The following SIPA1L2 variants were observed in gnomAD, a reference collection of about 807,000 sequenced individuals.
SIPA1L2 encodes the protein signal-induced proliferation-associated 1-like protein 2.
In SIPA1L2, 56 loss-of-function variants were observed where a neutral mutation model predicts 163.9. The ratio of observed to expected loss-of-function variants is 0.34; its 90% CI spans 0.28 to 0.43. The LOEUF is 0.43. Ranked by LOEUF, SIPA1L2 falls within the 20% of genes least tolerant of loss-of-function variation. The probability of loss-of-function intolerance (pLI) is 1.00; values close to 1 mark genes in which losing one functional copy is unlikely to be tolerated. For synonymous variants in SIPA1L2, 877 were observed against 865.7 expected, an observed-to-expected ratio of 1.01 and a Z score of -0.23; for missense variants, 1,974 against 2,193.5, an observed-to-expected ratio of 0.90 and a Z score of 2.00.
At chr1:232,621,059 T>C (rs1662783899) in intron 1 of SIPA1L2, among the ~76,000 whole-genome samples, 2 of 152,256 alleles carry the variant, frequency 1.3e-5, no homozygotes, top group Non-Finnish European at 2.9e-5. Context: ...GTTTTCCTCT[T>C]ATATTTCTTT....
At chr1:232,486,459 T>TG (rs1665653924) in intron 5 of SIPA1L2, among the ~76,000 whole-genome samples, 1 of 152,036 alleles carries the variant, frequency 6.6e-6, no homozygotes, top group South Asian at 2.1e-4. Flanking sequence ...CCTGGGCCCA[T>TG]GGGAATCAGT....
At position 232,514,442 on chromosome 1, in the gene SIPA1L2, T is replaced by A. The variant is rs750002651; in HGVS notation, c.898A>T (p.Ser300Cys). 1.9e-6 allele frequency: 3 copies of A among 1,614,128 alleles called. No individual in the cohort carries two copies. The highest frequency in any genetic ancestry group is 1.7e-6 in the Non-Finnish European group (2 of 1,180,046). The change falls in exon 3 of 23, where the codon AGT (serine) becomes TGT (cysteine). Residue 300 changes from serine to cysteine, a missense_variant. By Grantham distance (112) the Ser-to-Cys change is moderately radical (BLOSUM62 -1). Transcript: ENST00000674635. ...SLFRKLRTVK[S>C]EHETFKFTSE... ...GTGAACTTGAAAGTTTCGTGCTCACTTTTAACAGTTCGAAGCTTTCGGAAG... is the reference window on the plus strand; with the variant it reads ...GTGAACTTGAAAGTTTCGTGCTCACATTTAACAGTTCGAAGCTTTCGGAAG...
At chr1:232,556,174 TTCTG>T (rs1490826874) in intron 2 of SIPA1L2, among the ~76,000 whole-genome samples, 2 of 152,218 alleles carry the variant, frequency 1.3e-5, no homozygotes, top group Non-Finnish European at 2.9e-5. Flanking sequence ...AAGCTTACCT[TTCTG>T]TCTGTTACAA....
At chr1:232,484,007 C>A in intron 5 of SIPA1L2, 41 bp from the exon 6 acceptor site, 1 of 1,564,164 alleles carries the variant, frequency 6.4e-7, no homozygotes, top group Non-Finnish European at 8.7e-7. Context: ...CAAAGCATAT[C>A]AGACAAGCTA....
chr1:232,535,246 G>GA (rs1657230974), intron 2 of SIPA1L2, among the ~76,000 whole-genome samples: 1 of 151,620 alleles, frequency 6.6e-6, no homozygotes, highest in African/African-American at 2.4e-5. Context: ...CACAACATAT[G>GA]TTTTTTTTTA....
At chr1:232,537,728 T>G (rs903466931) in intron 2 of SIPA1L2, among the ~76,000 whole-genome samples, 1 of 152,158 alleles carries the variant, frequency 6.6e-6, no homozygotes, top group Non-Finnish European at 1.5e-5. Context: ...TGAGCCTCGA[T>G]TCTCTCATCT....
Position 232,515,431 on chromosome 1 carries a change from T to C in SIPA1L2, c.-92A>G. 3.8e-6 allele frequency: 5 copies of C among 1,327,826 alleles called. No homozygotes were observed. Among genetic ancestry groups the C allele is most frequent in the Non-Finnish European group, 5.1e-6 (5 of 989,044 alleles). 82.3% of individuals were successfully genotyped at this position (1,327,826 alleles called of 1,614,324 possible). ...GACCACGCCATAATACTTGCAGATA[T>C]AAAGGCTTTGTCTGTAGTTGTATTT... is the stretch of plus-strand genomic sequence containing the variant. On this transcript the variant is annotated 5_prime_UTR_variant, in exon 3 of 23. Transcript: ENST00000674635.
At chr1:232,476,376 G>T (rs532433243) in intron 7 of SIPA1L2, among the ~76,000 whole-genome samples, 1 of 152,224 alleles carries the variant, frequency 6.6e-6, no homozygotes, top group African/African-American at 2.4e-5. Flanking sequence ...AAAATGTTAC[G>T]CATACATTAA....
At chr1:232,589,145 C>T (rs1660837068) in intron 1 of SIPA1L2, among the ~76,000 whole-genome samples, 1 of 152,216 alleles carries the variant, frequency 6.6e-6, no homozygotes, top group African/African-American at 2.4e-5. Context: ...AGACATAAAG[C>T]AGGTGAGCTA....
chr1:232,497,932 A>G (rs992446203), intron 3 of SIPA1L2, among the ~76,000 whole-genome samples: 1 of 152,072 alleles, frequency 6.6e-6, no homozygotes, highest in Non-Finnish European at 1.5e-5. Flanking sequence ...CTGACTCACA[A>G]AGGTCTAGGG....
intron 12 of SIPA1L2, among the ~76,000 whole-genome samples, chr1:232,442,120 G>A (rs1358416352): frequency 6.6e-6 from 1 of 152,100 alleles, no homozygotes; most frequent in Non-Finnish European, 1.5e-5. Context: ...AGATAAAGAA[G>A]GGCTGCTGAC....
chr1:232,479,021 T>C (rs1263188254), intron 7 of SIPA1L2, among the ~76,000 whole-genome samples: 2 of 152,236 alleles, frequency 1.3e-5, no homozygotes, highest in Non-Finnish European at 2.9e-5. Flanking sequence ...TAATTTCTAG[T>C]AATCTTTGCA....
At position 232,465,273 on chromosome 1, in the gene SIPA1L2, T is replaced by A; in HGVS notation, c.2387A>T (p.Lys796Met). 6.2e-7 allele frequency: 1 copy of A among 1,614,176 alleles called. No homozygotes were observed. The highest frequency in any genetic ancestry group is 1.3e-5 in the African/African-American group (1 of 75,032). Residue 796 changes from lysine to methionine, a missense_variant, in exon 9 of 23, where the codon AAG becomes ATG. Around this residue, in one of 3 missense-constraint regions of SIPA1L2, gnomAD observed 288 missense variants for 418.9 expected, o/e 0.69. Transcript: ENST00000674635. The surrounding 1 kb of genome is among the most constrained non-coding windows in gnomAD (Gnocchi z 4.1). Reference sequence around the variant, plus strand: ...CGTTCGAGTGGCCATTGCTCGAAACTTTTCTGATTTATGGGCTGCATTTTC... The same window carrying A: ...CGTTCGAGTGGCCATTGCTCGAAACATTTCTGATTTATGGGCTGCATTTTC... ...NAENAAHKSE[K>M]FRAMATRTRQ...
At chr1:232,413,577 T>C (rs1661077048) in intron 19 of SIPA1L2, among the ~76,000 whole-genome samples, 1 of 152,242 alleles carries the variant, frequency 6.6e-6, no homozygotes, top group African/African-American at 2.4e-5. Context: ...GGTTGAGAGC[T>C]GTGCTATGAG....
chr1:232,413,000 G>A (rs1477834582), intron 19 of SIPA1L2, among the ~76,000 whole-genome samples: 1 of 152,088 alleles, frequency 6.6e-6, no homozygotes, highest in Non-Finnish European at 1.5e-5. Flanking sequence ...ATGTACCTGA[G>A]GGCACTGGCT....
rs771422561 is a variant in SIPA1L2, at chr1:232,471,510, T to C, written c.2104A>G (p.Ile702Val). 6.2e-7 allele frequency: 1 copy of C among 1,613,542 alleles called. No homozygotes were observed. The highest frequency in any genetic ancestry group is 1.1e-5 in the South Asian group (1 of 90,916). The change falls in exon 8 of 23, where the codon ATA (isoleucine) becomes GTA (valine). Residue 702 changes from isoleucine (I) to valine (V), a missense_variant. Around this residue, in one of 3 missense-constraint regions of SIPA1L2, gnomAD observed 288 missense variants for 418.9 expected, o/e 0.69. Transcript: ENST00000674635. ...NRQQLLRKRHIGNDIVTIVFQ... is the reference protein window; with the variant it reads ...NRQQLLRKRHVGNDIVTIVFQ... ...ACGATGGTGACGATGTCATTTCCTA[T>C]GTGCCTTTTCCTCAGTAGCTGTGGT...
At chr1:232,567,991 G>A (rs1378558747) in intron 2 of SIPA1L2, among the ~76,000 whole-genome samples, 1 of 152,230 alleles carries the variant, frequency 6.6e-6, no homozygotes, top group Non-Finnish European at 1.5e-5. Context: ...AACACATGAA[G>A]GTTCCTGGAA....
intron 1 of SIPA1L2, among the ~76,000 whole-genome samples, chr1:232,608,047 C>CAAAAAACAAAAAAAAAAAAAA (rs1662039571): frequency 1.5e-5 from 1 of 67,496 alleles, no homozygotes; most frequent in Admixed American, 1.7e-4. Flanking sequence ...AACTCCATCT[C>CAAAAAACAAAAAAAAAAAAAA]AAAAAAAAAA....
rs1203526518 is a variant in SIPA1L2, at chr1:232,487,952, ACACG to A, written c.1806+2918_1806+2921del. 9.9e-3 allele frequency among the ~76,000 whole-genome samples: 1,490 copies of A among 150,918 alleles called. 25 individuals carry two copies. Among genetic ancestry groups the A allele is most frequent in the African/African-American group, 0.034 (1,377 of 40,892 alleles). ...CACACACACACACACACACACACAC[ACACG>A]CACACATATTTTTTTGAGACAGAGT... On this transcript the variant is annotated intron_variant, in intron 5 of 22. Coordinates refer to ENST00000674635, the MANE Select transcript of SIPA1L2 (RefSeq NM_020808.5).
Sources: gnomAD v4.1 joint callset for allele counts (sites outside exome capture counted in the v4.1 genomes callset) on GRCh38, gnomAD v4.1.1 for gene constraint, gnomAD v4.1.1 regional missense constraint, Gnocchi (gnomAD v3.1) non-coding constraint, MANE v1.5 for transcripts, NCBI Gene and HGNC (gene_info 2026-07-23, HGNC 2026-07-21) for gene names.